The following AKR1E2 variants were observed in gnomAD, a reference collection of about 807,000 sequenced individuals.
AKR1E2 encodes the protein 1,5-anhydro-D-fructose reductase.
AKR1E2 carries 43 observed loss-of-function variants against 41.9 expected under a neutral mutation model. That is an observed-to-expected ratio of 1.03 (90% CI 0.80 to 1.32). The LOEUF (loss-of-function observed/expected upper bound fraction) is 1.32, where lower values mean the gene tolerates loss of function less well. Among genes scored for constraint, AKR1E2 ranks in the 40% most tolerant of loss-of-function variants. The probability of loss-of-function intolerance (pLI) is 0.00; values close to 1 mark genes in which losing one functional copy is unlikely to be tolerated. For missense variants in AKR1E2, 423 were observed against 396.5 expected (o/e 1.07, Z -0.57); for synonymous variants, 121 against 138.9 (o/e 0.87, Z 0.91).
intron 8 of AKR1E2, among the ~76,000 whole-genome samples, chr10:4,845,306 C>A (rs916971752): frequency 1.3e-5 from 2 of 152,228 alleles, no homozygotes; most frequent in Non-Finnish European, 2.9e-5. Context: ...TCCCTCCACA[C>A]CTCCCCGCAA....
chr10:4,860,450 G>A, the AKR1E2 span, among the ~76,000 whole-genome samples: 74 of 152,296 alleles, frequency 4.9e-4, 2 homozygotes, highest in East Asian at 0.013. Context: ...TACTCTCTCT[G>A]AGGAACCTTT....
At position 4,835,661 on chromosome 10, in the gene AKR1E2, C is replaced by A; in HGVS notation, c.325-14C>A. The A allele has an allele frequency of 6.2e-7, 1 of 1,613,176 alleles. No homozygotes were observed. Among genetic ancestry groups the A allele is most frequent in the South Asian group, 1.1e-5 (1 of 90,956 alleles). On this transcript the variant is annotated splice_polypyrimidine_tract_variant and intron_variant, in intron 3 of 9. Coordinates refer to ENST00000298375, the MANE Select transcript of AKR1E2 (RefSeq NM_001040177.3). Reference sequence around the variant, plus strand: ...TGTTTTGTTTTCACACATCTCAACTCTCCTTCTTCGCAGCCTCCTCATCCA... The same window carrying A: ...TGTTTTGTTTTCACACATCTCAACTATCCTTCTTCGCAGCCTCCTCATCCA...
At position 4,835,717 on chromosome 10, in the gene AKR1E2, T is replaced by C; in HGVS notation, c.367T>C (p.Phe123Leu). 1 of 1,614,160 alleles carries C rather than the reference T, an allele frequency of 6.2e-7. No individual in the cohort carries two copies. Among genetic ancestry groups the C allele is most frequent in the Non-Finnish European group, 8.5e-7 (1 of 1,180,032 alleles). The change falls in exon 4 of 10, where the codon TTC becomes CTC. Residue 123 changes from phenylalanine to leucine, a missense_variant. Transcript: ENST00000298375. Reference protein sequence around the residue: ...EWIMSCSELSFCLSHPRVQDL... With the variant: ...EWIMSCSELSLCLSHPRVQDL... Reference sequence around the variant, plus strand: ...GATCATGAGCTGCAGTGAACTTTCCTTCTGCCTCTCACATCCTCGAGTGCA... The same window carrying C: ...GATCATGAGCTGCAGTGAACTTTCCCTCTGCCTCTCACATCCTCGAGTGCA...
In AKR1E2 at chr10:4,846,382, C is replaced by G. The variant is rs1049921801; in HGVS notation, c.838-766C>G. Among the ~76,000 whole-genome samples the G allele has an allele frequency of 1.1e-4, 16 of 152,182 alleles. 1 individual carries two copies. The East Asian group carries it at 3.1e-3, about 29-fold the overall frequency. On this transcript the variant is annotated intron_variant, in intron 8 of 9. Coordinates refer to ENST00000298375, the MANE Select transcript of AKR1E2 (RefSeq NM_001040177.3). ...GAAGGGCTGAGAAGAATACTATTTT[C>G]AAGGAAGAAAAATGGATCACTCAGA...
At chr10:4,868,218 G>T in the AKR1E2 span, among the ~76,000 whole-genome samples, 1 of 152,142 alleles carries the variant, frequency 6.6e-6, no homozygotes, top group East Asian at 1.9e-4. Context: ...ACAGAGAGAA[G>T]TTCTTCCTGG....
intron 6 of AKR1E2, 122 bp from the exon 7 acceptor site, chr10:4,841,663 A>G: frequency 1.5e-6 from 1 of 677,542 alleles, no homozygotes; most frequent in Non-Finnish European, 2.3e-6. Flanking sequence ...AATTTCCTGT[A>G]GTCGGCATGT....
At chr10:4,845,596 C>G (rs1834274043) in intron 8 of AKR1E2, among the ~76,000 whole-genome samples, 1 of 152,218 alleles carries the variant, frequency 6.6e-6, no homozygotes, top group Admixed American at 6.5e-5. Context: ...GGAAGATTAT[C>G]TGACCCTCCC....
At chr10:4,833,289 G>C in intron 2 of AKR1E2, 61 bp from the exon 3 acceptor site, 1 of 1,346,888 alleles carries the variant, frequency 7.4e-7, no homozygotes, top group Non-Finnish European at 1.1e-6. Context: ...TGGGGCTACA[G>C]AATGGGTGCC....
At chr10:4,837,348 A>G (rs1833507858) in intron 4 of AKR1E2, 111 bp from the exon 5 acceptor site, 2 of 1,401,064 alleles carry the variant, frequency 1.4e-6, no homozygotes, top group Admixed American at 2.2e-5. Context: ...AAAATATTGT[A>G]AAAATATTGG....
intron 6 of AKR1E2, among the ~76,000 whole-genome samples, chr10:4,840,712 T>C (rs1833810196): frequency 6.6e-6 from 1 of 152,224 alleles, no homozygotes. Context: ...AATACTGTTC[T>C]CTTTACCCAC....
the AKR1E2 span, among the ~76,000 whole-genome samples, chr10:4,859,432 G>C: frequency 3.9e-5 from 6 of 152,204 alleles, no homozygotes; most frequent in African/African-American, 1.2e-4. Flanking sequence ...AAGACATTGA[G>C]TAGTTATTTG....
intron 5 of AKR1E2, among the ~76,000 whole-genome samples, 200 bp from the exon 6 acceptor site, chr10:4,839,529 C>T (rs1400434923): frequency 2.6e-5 from 4 of 152,302 alleles, no homozygotes; most frequent in African/African-American, 7.2e-5. Flanking sequence ...TCCCCAAGGC[C>T]GTGGACTCAG....
At chr10:4,835,916 G>A in intron 4 of AKR1E2, 107 bp downstream of exon 4, 1 of 1,453,104 alleles carries the variant, frequency 6.9e-7, no homozygotes, top group South Asian at 1.3e-5. Flanking sequence ...TTGTCTACCT[G>A]AGATGTGGGG....
At chr10:4,868,432 TG>T in the AKR1E2 span, among the ~76,000 whole-genome samples, 1 of 152,200 alleles carries the variant, frequency 6.6e-6, no homozygotes, top group African/African-American at 2.4e-5. Context: ...TGGGGAGAAG[TG>T]TAGGAACCTC....
At position 4,847,650 on chromosome 10, in the gene AKR1E2, C is replaced by T. The variant is rs1834430706; in HGVS notation, c.*120C>T. 8.4e-7 allele frequency: 1 copy of T among 1,191,022 alleles called. No individual in the cohort carries two copies. The highest frequency in any genetic ancestry group is 1.2e-6 in the Non-Finnish European group (1 of 826,478). The allele number at this position is 1,191,022 out of a possible 1,614,324, so 73.8% of individuals were successfully genotyped here. On this transcript the variant is annotated 3_prime_UTR_variant, in exon 10 of 10. Coordinates refer to ENST00000298375, the MANE Select transcript of AKR1E2 (RefSeq NM_001040177.3). Reference sequence around the variant, plus strand: ...GTGCCTGGGACAGGAGCCACACAGTCAGAGGGGGATGTAAGAGCCACCTTC... The same window carrying T: ...GTGCCTGGGACAGGAGCCACACAGTTAGAGGGGGATGTAAGAGCCACCTTC...
intron 3 of AKR1E2, among the ~76,000 whole-genome samples, chr10:4,834,325 G>A (rs1425073398): frequency 6.6e-6 from 1 of 152,220 alleles, no homozygotes; most frequent in Non-Finnish European, 1.5e-5. Flanking sequence ...TCCTAGCACA[G>A]CTTTACTTAA....
chr10:4,832,951 A>G (rs1040579244), intron 2 of AKR1E2, among the ~76,000 whole-genome samples: 6 of 152,254 alleles, frequency 3.9e-5, no homozygotes, highest in African/African-American at 1.4e-4. Context: ...CCTTAGGAAC[A>G]GAGAACTCTT....
intron 8 of AKR1E2, among the ~76,000 whole-genome samples, chr10:4,845,464 C>T (rs1834262130): frequency 3.9e-5 from 1 of 25,850 alleles, no homozygotes; most frequent in South Asian, 1.7e-3. Flanking sequence ...GGGCTGCCAG[C>T]ATGCTGTCAC....
chr10:4,854,313 T>C, the AKR1E2 span, among the ~76,000 whole-genome samples: 72 of 152,178 alleles, frequency 4.7e-4, 1 homozygote, highest in East Asian at 0.011. Context: ...AGGCTGGTCT[T>C]TAACTCCTGA....
Sources: allele counts gnomAD v4.1 joint callset (sites outside exome capture counted in the v4.1 genomes callset), GRCh38; gene constraint gnomAD v4.1.1; transcripts MANE v1.5; gene names NCBI Gene and HGNC (gene_info 2026-07-23, HGNC 2026-07-21).